The following KIRREL3 variants were observed in gnomAD, a reference collection of about 807,000 sequenced individuals.
KIRREL3 encodes the protein kin of IRRE-like protein 3.
A neutral mutation model predicts 89.7 loss-of-function variants in KIRREL3; 36 were observed. The ratio of observed to expected loss-of-function variants is 0.40; its 90% confidence interval spans 0.31 to 0.53. The LOEUF (loss-of-function observed/expected upper bound fraction) is 0.53. Ranked by LOEUF, KIRREL3 falls within the 20% of genes least tolerant of loss-of-function variation. KIRREL3 has a pLI of 0.49. For missense variants in KIRREL3, 864 were observed against 1,056.6 expected (o/e 0.82, Z 2.53); for synonymous variants, 445 against 441.4 (o/e 1.01, Z -0.10).
At chr11:126,692,642 G>A (rs1484320365) in intron 1 of KIRREL3, among the ~76,000 whole-genome samples, 1 of 150,314 alleles carries the variant, frequency 6.7e-6, no homozygotes, top group Non-Finnish European at 1.5e-5. Flanking sequence ...TACATACAAT[G>A]GAATATTCTT....
At chr11:126,901,660 G>A (rs934494295) in intron 1 of KIRREL3, among the ~76,000 whole-genome samples, 3 of 152,188 alleles carry the variant, frequency 2.0e-5, no homozygotes, top group African/African-American at 4.8e-5. Flanking sequence ...GATGTCTAAA[G>A]CCATCATATA....
Position 126,606,799 on chromosome 11 carries a change from C to T in KIRREL3, c.56-43887G>A, listed in dbSNP as rs918078399. 6.6e-6 allele frequency among the ~76,000 whole-genome samples: 1 copy of T among 152,112 alleles called. No individual in the cohort carries two copies. Among genetic ancestry groups the T allele is most frequent in the South Asian group, 2.1e-4 (1 of 4,828 alleles). On this transcript the variant is annotated intron_variant, in intron 1 of 16. Coordinates refer to ENST00000525144, the MANE Select transcript of KIRREL3 (RefSeq NM_032531.4). The surrounding 1 kb of genome is among the most constrained non-coding windows in gnomAD (Gnocchi z 4.6). ...TCCCTAAGTGCCATACCTCTACATG[C>T]TGGCCTTCTTCTGCACTCTTTTTTT...
chr11:126,554,684 T>G (rs1282138861), intron 2 of KIRREL3, among the ~76,000 whole-genome samples: 2 of 152,114 alleles, frequency 1.3e-5, no homozygotes, highest in Non-Finnish European at 2.9e-5. Flanking sequence ...AACTGACTGG[T>G]AGGGGAGACA....
At position 126,575,686 on chromosome 11, in the gene KIRREL3, C is replaced by T. The variant is rs1941218313; in HGVS notation, c.56-12774G>A. Among the ~76,000 whole-genome samples, 1 of 152,156 alleles carries T rather than the reference C, an allele frequency of 6.6e-6. No individual in the cohort carries two copies. The highest frequency in any genetic ancestry group is 1.5e-5 in the Non-Finnish European group (1 of 68,038). On this transcript the variant is annotated intron_variant, in intron 1 of 16. Coordinates refer to ENST00000525144, the MANE Select transcript of KIRREL3 (RefSeq NM_032531.4). This position sits in a 1 kb window ranked among gnomAD's most constrained non-coding sequence, Gnocchi z 7.0. ...ATGTTGTTGGAGTTAATACCCACAG[C>T]AGCTCAAGGAACAGCTTTGTTCAGC...
At position 126,908,476 on chromosome 11, in the gene KIRREL3, G is replaced by A. The variant is rs1934781398; in HGVS notation, c.55+91979C>T. 1.3e-5 allele frequency among the ~76,000 whole-genome samples: 2 copies of A among 152,144 alleles called. No homozygotes were observed. ...CTGGTTTTCTCATATGCAATGTGGG[G>A]ACAATAATAGTGACTTCTTCACAGG... On this transcript the variant is annotated intron_variant, in intron 1 of 16. Transcript: ENST00000525144. The surrounding 1 kb of genome is among the most constrained non-coding windows in gnomAD (Gnocchi z 4.2).
At position 126,689,393 on chromosome 11, in the gene KIRREL3, C is replaced by G. The variant is rs1946794915; in HGVS notation, c.56-126481G>C. On this transcript the variant is annotated intron_variant, in intron 1 of 16. Coordinates refer to ENST00000525144, the MANE Select transcript of KIRREL3 (RefSeq NM_032531.4). This position sits in a 1 kb window ranked among gnomAD's most constrained non-coding sequence, Gnocchi z 5.2. ...GAGCCCAGAGTCCCCATCCTTGCAT[C>G]TCATGATCTATCATTTAACAGCCCT... 6.6e-6 allele frequency among the ~76,000 whole-genome samples: 1 copy of G among 152,176 alleles called. No individual in the cohort carries two copies. Among genetic ancestry groups the G allele is most frequent in the African/African-American group, 2.4e-5 (1 of 41,456 alleles).
In KIRREL3 at chr11:126,742,862, A is replaced by C. The variant is rs1592059143; in HGVS notation, c.56-179950T>G. On this transcript the variant is annotated intron_variant, in intron 1 of 16. Coordinates refer to ENST00000525144, the MANE Select transcript of KIRREL3 (RefSeq NM_032531.4). The surrounding 1 kb of genome is among the most constrained non-coding windows in gnomAD (Gnocchi z 5.3). ...GTGGCTCCTCTCTGAAGAGGCAAGA[A>C]AAAGATTCTGAAGATGATGGATCTG... Among the ~76,000 whole-genome samples, 1 of 152,336 alleles carries C rather than the reference A, an allele frequency of 6.6e-6. No homozygotes were observed. The highest frequency in any genetic ancestry group is 1.9e-4 in the East Asian group (1 of 5,180).
At position 126,541,230 on chromosome 11, in the gene KIRREL3, G is replaced by A. The variant is rs1446249487; in HGVS notation, c.134-14543C>T. Among the ~76,000 whole-genome samples, 1 of 152,142 alleles carries A rather than the reference G, an allele frequency of 6.6e-6. No homozygotes were observed. Among genetic ancestry groups the A allele is most frequent in the East Asian group, 1.9e-4 (1 of 5,176 alleles). On this transcript the variant is annotated intron_variant, in intron 2 of 16. Transcript: ENST00000525144. The surrounding 1 kb of genome is among the most constrained non-coding windows in gnomAD (Gnocchi z 4.8). ...ACATGAAGCTTTGTCCTTGTCCTGGGCCCAGAAGGTACCAGTTGATGCTGC... is the reference window on the plus strand; with the variant it reads ...ACATGAAGCTTTGTCCTTGTCCTGGACCCAGAAGGTACCAGTTGATGCTGC...
intron 1 of KIRREL3, among the ~76,000 whole-genome samples, chr11:126,626,857 A>G (rs1475691395): frequency 1.3e-5 from 2 of 152,070 alleles, no homozygotes; most frequent in South Asian, 2.1e-4. Context: ...AAAATTCAAA[A>G]ATTAGCCAGG....
rs375027646 is a variant in KIRREL3, at chr11:126,819,541, T to C, written c.55+180914A>G. Reference sequence around the variant, plus strand: ...TCTTCCAGGCAGCTTCCCAATTAGATGGATACAGCCACCCCAATTAAGAGC... The same window carrying C: ...TCTTCCAGGCAGCTTCCCAATTAGACGGATACAGCCACCCCAATTAAGAGC... On this transcript the variant is annotated intron_variant, in intron 1 of 16. Coordinates refer to ENST00000525144, the MANE Select transcript of KIRREL3 (RefSeq NM_032531.4). Among the ~76,000 whole-genome samples, 325 of 152,340 alleles carry C rather than the reference T, an allele frequency of 2.1e-3. 1 individual carries two copies. The highest frequency in any genetic ancestry group is 0.01 in the Middle Eastern group (3 of 294).
rs1468979074 is a variant in KIRREL3, at chr11:126,738,946, T to A, written c.56-176034A>T. ...CAAAGCATCTTCGGTGATCAAACTATGATTTTTTTGACTGCCTACTGTGTT... is the reference window on the plus strand; with the variant it reads ...CAAAGCATCTTCGGTGATCAAACTAAGATTTTTTTGACTGCCTACTGTGTT... On this transcript the variant is annotated intron_variant, in intron 1 of 16. Coordinates refer to ENST00000525144, the MANE Select transcript of KIRREL3 (RefSeq NM_032531.4). Among the ~76,000 whole-genome samples, 3 of 152,360 alleles carry A rather than the reference T, an allele frequency of 2.0e-5. No individual in the cohort carries two copies. In the East Asian group the frequency reaches 5.8e-4, roughly 29 times the overall value.
chr11:126,929,208 G>A (rs1400637639), intron 1 of KIRREL3, among the ~76,000 whole-genome samples: 1 of 152,154 alleles, frequency 6.6e-6, no homozygotes, highest in Non-Finnish European at 1.5e-5. Context: ...TTTTAAGGAG[G>A]ACAGAGAGGT....
chr11:126,960,667 C>T (rs917646754), intron 1 of KIRREL3, among the ~76,000 whole-genome samples: 6 of 152,228 alleles, frequency 3.9e-5, no homozygotes, highest in African/African-American at 1.4e-4. Flanking sequence ...GCAAAAAATT[C>T]AGATTTTGTA....
chr11:126,476,045 G>C lies in KIRREL3; in HGVS notation c.434-2579C>G, dbSNP rs1957053674. Among the ~76,000 whole-genome samples the C allele has an allele frequency of 6.6e-6, 1 of 152,226 alleles. No individual in the cohort carries two copies. Among genetic ancestry groups the C allele is most frequent in the Admixed American group, 6.5e-5 (1 of 15,288 alleles). The stretch of plus-strand genomic sequence containing the variant: ...TGACTGTGGAAAGTGCCTGAGAGCA[G>C]AGGGTGGAGCAGGAAGCCCCTTCTC... On this transcript the variant is annotated intron_variant, in intron 4 of 16. Coordinates refer to ENST00000525144, the MANE Select transcript of KIRREL3 (RefSeq NM_032531.4). This position sits in a 1 kb window ranked among gnomAD's most constrained non-coding sequence, Gnocchi z 6.4.
chr11:126,472,512 G>C (rs542715065), intron 5 of KIRREL3, among the ~76,000 whole-genome samples: 1 of 152,196 alleles, frequency 6.6e-6, no homozygotes, highest in East Asian at 1.9e-4. Context: ...ATCTCCTAAA[G>C]GCCCCACCTC....
chr11:127,002,210 G>A (rs941729064), upstream of KIRREL3, among the ~76,000 whole-genome samples: 5 of 152,218 alleles, frequency 3.3e-5, no homozygotes, highest in African/African-American at 1.2e-4. Flanking sequence ...TCTGGTAGTT[G>A]ACACCAAAGA....
At chr11:126,453,992 G>A (rs758585631) in intron 7 of KIRREL3, among the ~76,000 whole-genome samples, 2 of 152,128 alleles carry the variant, frequency 1.3e-5, no homozygotes, top group Non-Finnish European at 2.9e-5. Context: ...GGGGAAGCCC[G>A]CATGTTCTCT....
At chr11:126,875,261 T>C (rs896257016) in intron 1 of KIRREL3, among the ~76,000 whole-genome samples, 1 of 151,812 alleles carries the variant, frequency 6.6e-6, no homozygotes, top group African/African-American at 2.4e-5. Flanking sequence ...AGGGACAAAA[T>C]GAAAAAAAAC....
intron 1 of KIRREL3, among the ~76,000 whole-genome samples, chr11:126,880,356 A>C (rs1374969488): frequency 6.6e-6 from 1 of 152,194 alleles, no homozygotes; most frequent in African/African-American, 2.4e-5. Flanking sequence ...AGAGAACATC[A>C]GTCAAATCGT....
Sources: allele counts gnomAD v4.1 joint callset (sites outside exome capture counted in the v4.1 genomes callset), GRCh38; gene constraint gnomAD v4.1.1; non-coding constraint Gnocchi (gnomAD v3.1); transcripts MANE v1.5; gene names NCBI Gene and HGNC (gene_info 2026-07-23, HGNC 2026-07-21).